The following CMTM8 variants were observed in gnomAD, a reference collection of about 807,000 sequenced individuals.
The protein encoded by CMTM8 is CKLF-like MARVEL transmembrane domain-containing protein 8.
In CMTM8, 12 loss-of-function variants were observed where a neutral mutation model predicts 18.6. That is an observed-to-expected ratio of 0.65 (90% CI 0.41 to 1.05). CMTM8 has a LOEUF of 1.05. Among genes scored for constraint, CMTM8 ranks in the 50% least tolerant of loss-of-function variants. CMTM8 has a pLI of 0.00. For missense variants in CMTM8, 217 were observed against 227.2 expected (o/e 0.95, Z 0.29); for synonymous variants, 87 against 90.6 (o/e 0.96, Z 0.23).
At chr3:32,239,173 G>A (rs894562387) in intron 1 of CMTM8, 54 bp downstream of exon 1, 22 of 1,540,766 alleles carry the variant, frequency 1.4e-5, no homozygotes, top group Admixed American at 7.9e-5. Context: ...CCCGGCGCGT[G>A]CTTCCGCCGT....
chr3:32,356,118 G>A (rs1696810366), intron 1 of CMTM8, among the ~76,000 whole-genome samples: 1 of 152,218 alleles, frequency 6.6e-6, no homozygotes, highest in Non-Finnish European at 1.5e-5. Context: ...ATAGCAGGAA[G>A]CCCAGATATT....
intron 1 of CMTM8, among the ~76,000 whole-genome samples, chr3:32,286,726 A>G (rs1054435137): frequency 6.6e-6 from 1 of 152,230 alleles, no homozygotes; most frequent in African/African-American, 2.4e-5. Flanking sequence ...GTCTTGGGCC[A>G]CATATAAAAT....
intron 1 of CMTM8, among the ~76,000 whole-genome samples, chr3:32,320,270 C>T (rs939868615): frequency 1.3e-5 from 2 of 152,138 alleles, no homozygotes; most frequent in Admixed American, 6.5e-5. Flanking sequence ...CGTGGTATAC[C>T]AAACAGTGGA....
Position 32,243,158 on chromosome 3 carries a change from G to A in CMTM8, c.147+4039G>A, listed in dbSNP as rs545130536. 5.3e-5 allele frequency among the ~76,000 whole-genome samples: 8 copies of A among 151,940 alleles called. No individual in the cohort carries two copies. The South Asian group carries it at 1.7e-3, about 32-fold the overall frequency. On this transcript the variant is annotated intron_variant, in intron 1 of 3. Coordinates refer to ENST00000307526, the MANE Select transcript of CMTM8 (RefSeq NM_178868.5). ...TCCACCTGTCTCAGCCTCCCAAAGTGCTGGGATTACAGGTGTGAGCCACCT... is the reference window on the plus strand; with the variant it reads ...TCCACCTGTCTCAGCCTCCCAAAGTACTGGGATTACAGGTGTGAGCCACCT...
chr3:32,280,146 A>G (rs1702584328), intron 1 of CMTM8, among the ~76,000 whole-genome samples: 1 of 152,156 alleles, frequency 6.6e-6, no homozygotes, highest in African/African-American at 2.4e-5. Flanking sequence ...CTCAGGTCAC[A>G]TGGCCATTCT....
At chr3:32,364,011 G>A (rs1696983327) in intron 2 of CMTM8, among the ~76,000 whole-genome samples, 1 of 152,184 alleles carries the variant, frequency 6.6e-6, no homozygotes, top group Admixed American at 6.5e-5. Context: ...CCAATGTGTG[G>A]TAATAGGGAC....
intron 1 of CMTM8, among the ~76,000 whole-genome samples, chr3:32,285,512 C>CA (rs140584675): frequency 7.5e-4 from 75 of 100,550 alleles, no homozygotes; most frequent in South Asian, 3.1e-3. Context: ...GATTCTATCT[C>CA]AAAAAAAAAA....
intron 1 of CMTM8, among the ~76,000 whole-genome samples, chr3:32,306,088 C>A (rs1462471831): frequency 1.3e-5 from 2 of 152,016 alleles, no homozygotes; most frequent in Non-Finnish European, 2.9e-5. Flanking sequence ...ACTCCTTTTT[C>A]GTGAGTCTGT....
chr3:32,288,629 T>C (rs1230533743), intron 1 of CMTM8, among the ~76,000 whole-genome samples: 1 of 151,998 alleles, frequency 6.6e-6, no homozygotes. Flanking sequence ...GCCTCCTGAG[T>C]AGCTAGGACT....
At chr3:32,281,939 C>T (rs1702615625) in intron 1 of CMTM8, among the ~76,000 whole-genome samples, 1 of 152,058 alleles carries the variant, frequency 6.6e-6, no homozygotes, top group Non-Finnish European at 1.5e-5. Flanking sequence ...TCCTTATCTC[C>T]CCAACTGTAA....
At chr3:32,276,644 A>G (rs764252094) in intron 1 of CMTM8, among the ~76,000 whole-genome samples, 8 of 152,124 alleles carry the variant, frequency 5.3e-5, no homozygotes, top group Non-Finnish European at 1.0e-4. Context: ...GGCCCCAGGC[A>G]ATGCTGATGC....
intron 1 of CMTM8, among the ~76,000 whole-genome samples, chr3:32,295,492 C>T (rs866238620): frequency 1.8e-4 from 18 of 100,922 alleles, no homozygotes; most frequent in African/African-American, 6.5e-4. Context: ...AACAAAACAG[C>T]GGAAAGAGAA....
chr3:32,344,243 C>A (rs6782595), intron 1 of CMTM8, among the ~76,000 whole-genome samples: 2 of 152,140 alleles, frequency 1.3e-5, no homozygotes, highest in Non-Finnish European at 2.9e-5. Context: ...CAATGCAAAT[C>A]CCCTGAGCTA....
intron 1 of CMTM8, among the ~76,000 whole-genome samples, chr3:32,306,792 T>G (rs1308292223): frequency 6.6e-6 from 1 of 152,146 alleles, no homozygotes; most frequent in African/African-American, 2.4e-5. Context: ...TAGACTCATG[T>G]TTTAGAGGGA....
intron 1 of CMTM8, among the ~76,000 whole-genome samples, chr3:32,257,089 G>A (rs957549003): frequency 6.6e-6 from 1 of 152,174 alleles, no homozygotes; most frequent in Admixed American, 6.5e-5. Flanking sequence ...CTGGGTTCAA[G>A]CAATTCTATG....
At chr3:32,359,125 G>T (rs537879533) in intron 2 of CMTM8, among the ~76,000 whole-genome samples, 1 of 152,294 alleles carries the variant, frequency 6.6e-6, no homozygotes, top group Non-Finnish European at 1.5e-5. Context: ...TCAATTTCTA[G>T]TTATGTTATC....
intron 1 of CMTM8, among the ~76,000 whole-genome samples, chr3:32,351,741 C>A (rs1696713763): frequency 6.6e-6 from 1 of 150,936 alleles, no homozygotes; most frequent in African/African-American, 2.4e-5. Flanking sequence ...AAACTTAAAA[C>A]TTCCATAGAC....
chr3:32,332,732 G>A (rs1272212236), intron 1 of CMTM8, among the ~76,000 whole-genome samples: 1 of 152,160 alleles, frequency 6.6e-6, no homozygotes, highest in South Asian at 2.1e-4. Context: ...AGAGGAGAGA[G>A]ATGCTTAGTG....
At chr3:32,290,035 A>G (rs1411658555) in intron 1 of CMTM8, among the ~76,000 whole-genome samples, 3 of 152,148 alleles carry the variant, frequency 2.0e-5, no homozygotes, top group Non-Finnish European at 4.4e-5. Context: ...GGAGGATCAC[A>G]TGAGCCTGGT....
Sources: allele counts gnomAD v4.1 joint callset (sites outside exome capture counted in the v4.1 genomes callset), GRCh38; gene constraint gnomAD v4.1.1; transcripts MANE v1.5; gene names NCBI Gene and HGNC (gene_info 2026-07-23, HGNC 2026-07-21).